Variants in TMTC1 observed in about 807,000 individuals in gnomAD.
TMTC1 encodes transmembrane O-mannosyltransferase targeting cadherins 1, also known as protein O-mannosyl-transferase TMTC1.
TMTC1 carries 73 observed loss-of-function variants against 104.8 expected under a neutral mutation model. The ratio of observed to expected loss-of-function variants is 0.70; its 90% confidence interval spans 0.58 to 0.85. The LOEUF is 0.85. Among genes scored for constraint, TMTC1 ranks in the 40% least tolerant of loss-of-function variants. The pLI is 0.00. For missense variants in TMTC1, 1,035 were observed against 1,096.1 expected (o/e 0.94, Z 0.79); for synonymous variants, 434 against 428.7 (o/e 1.01, Z -0.15).
chr12:29,664,385 C>CT (rs971137413), intron 5 of TMTC1, among the ~76,000 whole-genome samples: 4 of 152,134 alleles, frequency 2.6e-5, no homozygotes, highest in African/African-American at 7.2e-5. Context: ...ACATGGCCCT[C>CT]TTTTTTGGTA....
intron 5 of TMTC1, among the ~76,000 whole-genome samples, chr12:29,723,075 T>C (rs1942284010): frequency 6.6e-6 from 1 of 152,042 alleles, no homozygotes; most frequent in Non-Finnish European, 1.5e-5. Context: ...GAGTACCTTT[T>C]ATAAGAGTTT....
At chr12:29,696,990 C>T (rs867666778) in intron 5 of TMTC1, among the ~76,000 whole-genome samples, 33 of 152,168 alleles carry the variant, frequency 2.2e-4, no homozygotes, top group South Asian at 4.1e-4. Context: ...TTTAAGTTTA[C>T]GTGTACGGCA....
At chr12:29,655,903 C>A (rs983175280) in intron 5 of TMTC1, among the ~76,000 whole-genome samples, 3 of 152,058 alleles carry the variant, frequency 2.0e-5, no homozygotes, top group African/African-American at 7.2e-5. Context: ...CTTATTATAC[C>A]TACTTTAAAA....
intron 5 of TMTC1, among the ~76,000 whole-genome samples, chr12:29,745,461 A>G (rs1418382040): frequency 6.6e-6 from 1 of 152,080 alleles, no homozygotes; most frequent in East Asian, 1.9e-4. Context: ...TGTCTCTACT[A>G]AAAATACAAA....
intron 7 of TMTC1, among the ~76,000 whole-genome samples, chr12:29,593,107 T>C (rs1373905189): frequency 6.6e-6 from 1 of 152,178 alleles, no homozygotes; most frequent in African/African-American, 2.4e-5. Flanking sequence ...CCTTCTCTGG[T>C]TGAGCTGGGC....
chr12:29,601,508 CAT>C (rs980747792), intron 7 of TMTC1, among the ~76,000 whole-genome samples: 6 of 152,208 alleles, frequency 3.9e-5, no homozygotes, highest in African/African-American at 1.4e-4. Context: ...TTGATCACCA[CAT>C]GAGTTGAGCC....
chr12:29,693,784 G>T (rs1238873630), intron 5 of TMTC1, among the ~76,000 whole-genome samples: 1 of 152,196 alleles, frequency 6.6e-6, no homozygotes, highest in Non-Finnish European at 1.5e-5. Context: ...GATTAGAGAT[G>T]TATTTTCATA....
At chr12:29,660,893 G>A (rs752799636) in intron 5 of TMTC1, 16 of 1,476,798 alleles carry the variant, frequency 1.1e-5, no homozygotes, top group South Asian at 9.4e-5. Context: ...TACCTAAAAC[G>A]GGAAAGAAAA....
intron 5 of TMTC1, among the ~76,000 whole-genome samples, chr12:29,661,600 G>A (rs1398077821): frequency 3.9e-5 from 2 of 51,838 alleles, no homozygotes; most frequent in East Asian, 7.8e-4. Flanking sequence ...TGTATTTTTA[G>A]TATTTTTGTA....
chr12:29,608,420 C>G (rs1946759340), intron 6 of TMTC1, among the ~76,000 whole-genome samples: 1 of 152,178 alleles, frequency 6.6e-6, no homozygotes, highest in African/African-American at 2.4e-5. Context: ...AATGGAAATT[C>G]ACTTATTCCC....
intron 7 of TMTC1, among the ~76,000 whole-genome samples, chr12:29,600,008 A>ATAT (rs59108744): frequency 0.22 from 26,173 of 118,476 alleles, 3,474 homozygotes; most frequent in East Asian, 0.31. Flanking sequence ...ATATATATAT[A>ATAT]TTTTTTTTTT....
chr12:29,662,661 C>T (rs1346630083), intron 5 of TMTC1, among the ~76,000 whole-genome samples: 4 of 118,608 alleles, frequency 3.4e-5, no homozygotes, highest in East Asian at 3.0e-4. Flanking sequence ...AGCGAGACTC[C>T]GTCTCAAAAA....
At chr12:29,527,900 T>C (rs899662440) in intron 11 of TMTC1, among the ~76,000 whole-genome samples, 2 of 152,212 alleles carry the variant, frequency 1.3e-5, no homozygotes, top group African/African-American at 4.8e-5. Flanking sequence ...ATCTAAAGAC[T>C]GAGTGTGTCA....
Position 29,664,142 on chromosome 12 carries a change from C to G in TMTC1, c.939-30806G>C, listed in dbSNP as rs367790916. On this transcript the variant is annotated intron_variant, in intron 5 of 17. Transcript: ENST00000539277. ...GCGGAGCTTGCAGTGAGCCGAGATC[C>G]CGCCACTGCACTCCAGCCTGGGCGA... Among the ~76,000 whole-genome samples the G allele has an allele frequency of 2.5e-3, 379 of 150,456 alleles. 3 individuals are homozygous for G. The East Asian group carries it at 0.032, about 13-fold the overall frequency.
chr12:29,770,131 C>T (rs543814583), intron 1 of TMTC1, among the ~76,000 whole-genome samples: 49 of 151,624 alleles, frequency 3.2e-4, no homozygotes, highest in African/African-American at 1.2e-3. Context: ...CAAATAATAG[C>T]ACCATTTCTT....
chr12:29,556,795 G>C (rs1279744621), intron 10 of TMTC1, 62 bp downstream of exon 10: 1 of 1,602,428 alleles, frequency 6.2e-7, no homozygotes, highest in Non-Finnish European at 8.5e-7. Flanking sequence ...AATGAGTGTT[G>C]AGAAGGAAAG....
intron 5 of TMTC1, among the ~76,000 whole-genome samples, chr12:29,703,652 T>C (rs1039717558): frequency 1.3e-5 from 2 of 152,212 alleles, no homozygotes; most frequent in African/African-American, 4.8e-5. Context: ...CAGCAACTTA[T>C]TCCAGTGAGA....
rs1443854902 is a variant in TMTC1, at chr12:29,783,387, G to T, written c.302+63C>A. 13 of 1,254,046 alleles carry T rather than the reference G, an allele frequency of 1.0e-5. No individual in the cohort carries two copies. The highest frequency in any genetic ancestry group is 4.8e-4 in the Middle Eastern group (2 of 4,196). The allele number at this position is 1,254,046 out of a possible 1,614,324, so 77.7% of individuals were successfully genotyped here. A position where few individuals can be genotyped will look rare whatever the true frequency, so the allele number is the denominator to read the frequency against. Reference sequence around the variant, plus strand: ...CCAAGTCAGTCCCGCAACTTCTCCCGGTCCGAGGGACGGGCGGAGGGTAGA... The same window carrying T: ...CCAAGTCAGTCCCGCAACTTCTCCCTGTCCGAGGGACGGGCGGAGGGTAGA... On this transcript the variant is annotated intron_variant, in intron 1 of 17. Coordinates refer to ENST00000539277, the MANE Select transcript of TMTC1 (RefSeq NM_001193451.2). This position sits in a 1 kb window ranked among gnomAD's most constrained non-coding sequence, Gnocchi z 4.7.
At chr12:29,638,583 C>G (rs1164357357) in intron 5 of TMTC1, among the ~76,000 whole-genome samples, 1 of 152,206 alleles carries the variant, frequency 6.6e-6, no homozygotes, top group Non-Finnish European at 1.5e-5. Flanking sequence ...AGCTGATTAA[C>G]ACAAGCCGCC....
Sources: gnomAD v4.1 joint callset for allele counts (sites outside exome capture counted in the v4.1 genomes callset) on GRCh38, gnomAD v4.1.1 for gene constraint, Gnocchi (gnomAD v3.1) non-coding constraint, MANE v1.5 for transcripts, NCBI Gene and HGNC (gene_info 2026-07-23, HGNC 2026-07-21) for gene names.